Variants in APP observed in about 807,000 individuals in gnomAD.
The protein encoded by APP is amyloid-beta precursor protein.
A neutral mutation model predicts 101.4 loss-of-function variants in APP; 31 were observed. That is an observed-to-expected ratio of 0.31 (90% CI 0.23 to 0.41). The LOEUF (loss-of-function observed/expected upper bound fraction) is 0.41. Among genes scored for constraint, APP ranks in the 10% least tolerant of loss-of-function variants. The pLI is 1.00. For missense variants in APP, 839 were observed against 1,003.7 expected (o/e 0.84, Z 2.22); for synonymous variants, 366 against 364.4 (o/e 1.00, Z -0.05).
chr21:26,071,190 A>C (rs954309885), intron 3 of APP, among the ~76,000 whole-genome samples: 10 of 152,176 alleles, frequency 6.6e-5, no homozygotes, highest in African/African-American at 2.2e-4. Context: ...TCAGGCTTCA[A>C]ACATCTTCAG....
At chr21:25,947,150 GT>G (rs1175363754) in intron 13 of APP, among the ~76,000 whole-genome samples, 1 of 152,044 alleles carries the variant, frequency 6.6e-6, no homozygotes, top group African/African-American at 2.4e-5. Context: ...ATTTTTAAAG[GT>G]CATTATCAAT....
At chr21:26,128,737 A>G (rs1601531221) in intron 1 of APP, among the ~76,000 whole-genome samples, 1 of 152,292 alleles carries the variant, frequency 6.6e-6, no homozygotes, top group East Asian at 1.9e-4. Flanking sequence ...AAAAAACCGT[A>G]ATAATGAAGT....
intron 5 of APP, among the ~76,000 whole-genome samples, chr21:26,022,715 TG>T (rs1336681747): frequency 6.6e-6 from 1 of 152,192 alleles, no homozygotes; most frequent in Non-Finnish European, 1.5e-5. Context: ...TGCCGTATTA[TG>T]GGAATTACTT....
chr21:26,145,674 C>T (rs1226454776), intron 1 of APP, among the ~76,000 whole-genome samples: 1 of 152,148 alleles, frequency 6.6e-6, no homozygotes, highest in Admixed American at 6.5e-5. Flanking sequence ...TATGTACTAC[C>T]TTCTCCTCCA....
intron 17 of APP, among the ~76,000 whole-genome samples, chr21:25,889,480 G>C (rs1445602320): frequency 1.3e-5 from 2 of 152,200 alleles, no homozygotes; most frequent in Non-Finnish European, 2.9e-5. Flanking sequence ...TTTGGCCTCT[G>C]GCATCAAAGA....
At chr21:26,005,095 G>A (rs1035744139) in intron 6 of APP, among the ~76,000 whole-genome samples, 1 of 151,962 alleles carries the variant, frequency 6.6e-6, no homozygotes, top group African/African-American at 2.4e-5. Context: ...CTATTGAAAA[G>A]ATTTTAAAAA....
chr21:25,950,592 C>T (rs1366907931), intron 13 of APP, among the ~76,000 whole-genome samples: 4 of 151,862 alleles, frequency 2.6e-5, no homozygotes, highest in Non-Finnish European at 5.9e-5. Flanking sequence ...ATGTTGGCCA[C>T]GCTGGTCTTG....
chr21:26,067,377 C>T (rs559426792), intron 3 of APP, among the ~76,000 whole-genome samples: 2 of 152,182 alleles, frequency 1.3e-5, no homozygotes, highest in Non-Finnish European at 2.9e-5. Flanking sequence ...TAGTGGCCAC[C>T]GTTGGGCAAG....
chr21:26,090,193 C>A, intron 2 of APP, 121 bp from the exon 3 acceptor site: 4 of 1,450,174 alleles, frequency 2.8e-6, no homozygotes, highest in Non-Finnish European at 3.8e-6. Flanking sequence ...ATGCTTGGGA[C>A]CAGAAGTGCT....
At chr21:26,169,644 G>T (rs2063696140) in intron 1 of APP, among the ~76,000 whole-genome samples, 1 of 152,246 alleles carries the variant, frequency 6.6e-6, no homozygotes, top group Admixed American at 6.5e-5. Flanking sequence ...CAGCGTCTCT[G>T]CCCCCTCCCA....
intron 6 of APP, among the ~76,000 whole-genome samples, chr21:26,017,593 A>C (rs2044155205): frequency 2.5e-5 from 1 of 40,278 alleles, no homozygotes; most frequent in Admixed American, 3.4e-4. Flanking sequence ...GGTACAACGA[A>C]TAGTTGCTGA....
chr21:25,993,268 G>T (rs981580176), intron 8 of APP, among the ~76,000 whole-genome samples: 1 of 145,544 alleles, frequency 6.9e-6, no homozygotes, highest in Non-Finnish European at 1.5e-5. Context: ...CATGGGGTCA[G>T]GCCTACACCT....
chr21:25,985,652 T>C (rs2042610068), intron 8 of APP, among the ~76,000 whole-genome samples: 1 of 152,280 alleles, frequency 6.6e-6, no homozygotes, highest in South Asian at 2.1e-4. Flanking sequence ...TGTGAGTCAA[T>C]TCTGCAGAAT....
In APP at chr21:25,992,160, A is replaced by G. The variant is rs564845522; in HGVS notation, c.1090+5200T>C. On this transcript the variant is annotated intron_variant, in intron 8 of 17. Transcript: ENST00000346798. ...TACTTCGGGAGGCCGAAGCTGGTGGATCACTTCAGGTCAGGAGTTCAAGAC... is the reference window on the plus strand; with the variant it reads ...TACTTCGGGAGGCCGAAGCTGGTGGGTCACTTCAGGTCAGGAGTTCAAGAC... 5.3e-5 allele frequency among the ~76,000 whole-genome samples: 8 copies of G among 152,336 alleles called. No individual in the cohort carries two copies. The South Asian group carries it at 1.0e-3, about 20-fold the overall frequency.
intron 11 of APP, among the ~76,000 whole-genome samples, chr21:25,961,958 A>G (rs185856404): frequency 6.2e-4 from 95 of 152,216 alleles, no homozygotes; most frequent in African/African-American, 2.0e-3. Flanking sequence ...ATGTCTTTAA[A>G]TCTTCTGTTA....
chr21:26,149,024 G>T (rs1301131512), intron 1 of APP, among the ~76,000 whole-genome samples: 2 of 152,192 alleles, frequency 1.3e-5, no homozygotes, highest in African/African-American at 4.8e-5. Flanking sequence ...GAATTGGGAG[G>T]GGGAGAGAAG....
chr21:25,900,099 CTTATTT>C (rs1395710308), intron 15 of APP, among the ~76,000 whole-genome samples: 2 of 152,106 alleles, frequency 1.3e-5, no homozygotes, highest in African/African-American at 4.8e-5. Flanking sequence ...CTTTCTGACA[CTTATTT>C]TTATAGGGTA....
At chr21:25,889,605 T>C (rs1178289478) in intron 17 of APP, among the ~76,000 whole-genome samples, 4 of 151,568 alleles carry the variant, frequency 2.6e-5, no homozygotes, top group Admixed American at 6.6e-5. Flanking sequence ...CCTTGGGAGG[T>C]TGGGGAGGGC....
chr21:25,888,256 G>A (rs1042384093), intron 17 of APP, among the ~76,000 whole-genome samples: 1 of 152,162 alleles, frequency 6.6e-6, no homozygotes, highest in Non-Finnish European at 1.5e-5. Context: ...AAGGTAGGAA[G>A]AGGATGTTGC....
Sources: allele counts gnomAD v4.1 joint callset (sites outside exome capture counted in the v4.1 genomes callset), GRCh38; gene constraint gnomAD v4.1.1; transcripts MANE v1.5; gene names NCBI Gene and HGNC (gene_info 2026-07-23, HGNC 2026-07-21).